TRIM67: variants seen among roughly 807,000 people sequenced by gnomAD.
TRIM67 encodes tripartite motif containing 67.
A neutral mutation model predicts 71.0 loss-of-function variants in TRIM67; 39 were observed. That is an observed-to-expected ratio of 0.55 (90% CI 0.43 to 0.72). The LOEUF (loss-of-function observed/expected upper bound fraction) is 0.72. Ranked by LOEUF, TRIM67 falls within the 30% of genes least tolerant of loss-of-function variation. The probability of loss-of-function intolerance (pLI) is 0.00; values close to 1 mark genes in which losing one functional copy is unlikely to be tolerated. For missense variants in TRIM67, 973 were observed against 1,079.2 expected (o/e 0.90, Z 1.38); for synonymous variants, 481 against 473.9 (o/e 1.01, Z -0.19).
chr1:231,211,658 G>A (rs1413328316), intron 8 of TRIM67, among the ~76,000 whole-genome samples: 1 of 152,206 alleles, frequency 6.6e-6, no homozygotes, highest in Non-Finnish European at 1.5e-5. Context: ...TTCCTGTCGT[G>A]AATCCTCGCT....
At chr1:231,208,037 T>G (rs2102759287) in intron 7 of TRIM67, among the ~76,000 whole-genome samples, 1 of 147,126 alleles carries the variant, frequency 6.8e-6, no homozygotes, top group African/African-American at 2.5e-5. Context: ...TGAGATGAAG[T>G]CCCACTCTGT....
intron 4 of TRIM67, among the ~76,000 whole-genome samples, chr1:231,200,517 C>T (rs1288402472): frequency 6.6e-6 from 1 of 152,186 alleles, no homozygotes; most frequent in African/African-American, 2.4e-5. Context: ...AACATTTTCC[C>T]CAAAAGGACA....
In TRIM67 at chr1:231,216,098, A is replaced by G. The variant is rs760975338; in HGVS notation, c.*658A>G. ...AATGGCTTCCTTTATTAATCAGCCA[A>G]TTGTGTTCTCTCTCTCTCTTCCTCC... On this transcript the variant is annotated 3_prime_UTR_variant, in exon 10 of 10. Coordinates refer to ENST00000366653, the MANE Select transcript of TRIM67 (RefSeq NM_001004342.5). 3.0e-6 allele frequency: 3 copies of G among 985,074 alleles called. No individual in the cohort carries two copies. The highest frequency in any genetic ancestry group is 2.4e-6 in the Non-Finnish European group (2 of 829,852). 61.0% of individuals were successfully genotyped at this position (985,074 alleles called of 1,614,324 possible).
In TRIM67 at chr1:231,163,159, G is replaced by A. The variant is rs1001881390; in HGVS notation, c.190G>A (p.Ala64Thr). The change falls in exon 1 of 10, where the codon GCT becomes ACT. Residue 64 changes from alanine to threonine, a missense_variant. By Grantham distance (58) the Ala-to-Thr change is moderately conservative. This residue lies in a region of TRIM67 where 795 missense variants were observed against 831.3 expected (regional missense o/e 0.96). Transcript: ENST00000366653. ...GSGLQAGAAA[A>T]ASLEHDAAAG... ...GGGGCTGCAGGCGGGCGCCGCCGCC[G>A]CTGCCTCTCTGGAGCACGACGCTGC... 2.7e-6 allele frequency: 4 copies of A among 1,508,204 alleles called. No homozygotes were observed. Among genetic ancestry groups the A allele is most frequent in the East Asian group, 2.7e-5 (1 of 36,992 alleles). The allele number at this position is 1,508,204 out of a possible 1,614,324, so 93.4% of individuals were successfully genotyped here. A position where few individuals can be genotyped will look rare whatever the true frequency, so the allele number is the denominator to read the frequency against.
chr1:231,200,083 C>A, intron 3 of TRIM67, 65 bp from the exon 4 acceptor site: 1 of 1,278,306 alleles, frequency 7.8e-7, no homozygotes, highest in Non-Finnish European at 1.1e-6. Flanking sequence ...TTCTCTGACT[C>A]TTGCGGTGGC....
rs780030751 is a variant in TRIM67, at chr1:231,204,018, G to A, written c.1680+6G>A. The A allele has an allele frequency of 9.3e-6, 15 of 1,613,656 alleles. No individual in the cohort carries two copies. Among genetic ancestry groups the A allele is most frequent in the Non-Finnish European group, 1.2e-5 (14 of 1,179,810 alleles). On this transcript the variant is annotated splice_donor_region_variant and intron_variant, in intron 6 of 9. Transcript: ENST00000366653. ...GTGCCGGGGGACAGTTCCGGGTGAG[G>A]CCTTGCTGCTTATTTGGCGGGGATT...
Position 231,219,630 on chromosome 1 carries a change from T to C in TRIM67, c.*4190T>C. 8.7e-7 allele frequency: 1 copy of C among 1,148,708 alleles called. No homozygotes were observed. The highest frequency in any genetic ancestry group is 1.8e-5 in the South Asian group (1 of 54,124). 71.2% of individuals were successfully genotyped at this position (1,148,708 alleles called of 1,614,324 possible). ...TTCCTAGAAAGCAAAACTCGTTACC[T>C]TTGTTTTCCTTGGCCACATTTTACT... On this transcript the variant is annotated 3_prime_UTR_variant, in exon 10 of 10. Transcript: ENST00000366653.
At chr1:231,188,080 C>G (rs890684796) in intron 1 of TRIM67, among the ~76,000 whole-genome samples, 2 of 152,180 alleles carry the variant, frequency 1.3e-5, no homozygotes, top group Non-Finnish European at 2.9e-5. Context: ...TGATCTATGA[C>G]TGTGTCCACA....
At chr1:231,203,722 TG>T in intron 5 of TRIM67, 144 bp from the exon 6 acceptor site, 2 of 1,053,644 alleles carry the variant, frequency 1.9e-6, no homozygotes, top group Non-Finnish European at 1.3e-6. Context: ...CCTGGGCGTC[TG>T]GGAGTGACTA....
chr1:231,181,712 CTTGA>C (rs1682911569), intron 1 of TRIM67, among the ~76,000 whole-genome samples: 1 of 151,850 alleles, frequency 6.6e-6, no homozygotes, highest in Non-Finnish European at 1.5e-5. Flanking sequence ...GCTTTTTTTG[CTTGA>C]CTCCCTGAGC....
intron 1 of TRIM67, among the ~76,000 whole-genome samples, chr1:231,190,232 G>A (rs1218626253): frequency 6.6e-6 from 1 of 152,182 alleles, no homozygotes; most frequent in African/African-American, 2.4e-5. Context: ...GATCTAGTCT[G>A]TGTTGACAGA....
chr1:231,191,971 C>T (rs1023180644), intron 1 of TRIM67, among the ~76,000 whole-genome samples: 1 of 151,742 alleles, frequency 6.6e-6, no homozygotes, highest in African/African-American at 2.4e-5. Context: ...TGCAGTGGGG[C>T]AGCAGGGCAG....
At chr1:231,204,036 C>A in intron 6 of TRIM67, 24 bp downstream of exon 6, 1 of 1,612,758 alleles carries the variant, frequency 6.2e-7, no homozygotes, top group Non-Finnish European at 8.5e-7. Context: ...GCTTATTTGG[C>A]GGGGATTGAG....
rs149060692 is a variant in TRIM67, at chr1:231,172,263, C to G, written c.1044+8250C>G. 8.6e-3 allele frequency among the ~76,000 whole-genome samples: 1,314 copies of G among 152,250 alleles called. 11 individuals are homozygous for G. The highest frequency in any genetic ancestry group is 0.012 in the Non-Finnish European group (803 of 68,034). On this transcript the variant is annotated intron_variant, in intron 1 of 9. Transcript: ENST00000366653. ...ATAGAAGAAATAAAGCATTAGCTGA[C>G]AGCTATTTTTAAAAGTGGGGGGAAC...
intron 1 of TRIM67, among the ~76,000 whole-genome samples, chr1:231,181,755 A>G (rs938211223): frequency 1.3e-5 from 2 of 152,138 alleles, no homozygotes; most frequent in African/African-American, 4.8e-5. Flanking sequence ...CCCACCATAC[A>G]TTCAACTCCT....
In TRIM67 at chr1:231,203,919, C is replaced by T. The variant is rs376273835; in HGVS notation, c.1587C>T (p.Ser529=). ...QLEKCCTRNN[S]VTLAWRMPPF... is the part of the protein sequence containing the mutation. The stretch of plus-strand genomic sequence containing the variant: ...AGAAATGCTGCACCCGTAACAACAG[C>T]GTCACGCTGGCCTGGAGGATGCCAC... The change falls in exon 6 of 10, where the codon AGC becomes AGT. Residue 529 remains serine, a synonymous_variant. Transcript: ENST00000366653. 194 of 1,613,954 alleles carry T rather than the reference C, an allele frequency of 1.2e-4. No homozygotes were observed. In the African/African-American group the frequency reaches 2.0e-3, roughly 17 times the overall value.
In TRIM67 at chr1:231,162,629, C is replaced by G. The variant is rs1682318500; in HGVS notation, c.-341C>G. The G allele has an allele frequency of 3.7e-6, 1 of 273,698 alleles. No homozygotes were observed. The highest frequency in any genetic ancestry group is 6.9e-6 in the Non-Finnish European group (1 of 145,854). 17.0% of individuals were successfully genotyped at this position (273,698 alleles called of 1,614,324 possible). A position where few individuals can be genotyped will look rare whatever the true frequency, so the allele number is the denominator to read the frequency against. ...GTGGAGAGGAGGCGCGCGCTGCAGCCGGCGGCGGCGCTGGTGCTGATTCAT... is the reference window on the plus strand; with the variant it reads ...GTGGAGAGGAGGCGCGCGCTGCAGCGGGCGGCGGCGCTGGTGCTGATTCAT... On this transcript the variant is annotated 5_prime_UTR_variant, in exon 1 of 10. Coordinates refer to ENST00000366653, the MANE Select transcript of TRIM67 (RefSeq NM_001004342.5).
At position 231,201,417 on chromosome 1, in the gene TRIM67, C is replaced by A. The variant is rs1188776173; in HGVS notation, c.1434C>A (p.Ala478=). ...CTCAGGAGCAGTGGGTCAAAGGCGC[C>A]CTGGAGCCGAAAGTGTCTGCGGAGT... The part of the protein sequence containing the change: ...QVSQEQWVKG[A]LEPKVSAEFD... The change falls in exon 5 of 10, where the codon GCC becomes GCA. Residue 478 remains alanine (A), a synonymous_variant. Coordinates refer to ENST00000366653, the MANE Select transcript of TRIM67 (RefSeq NM_001004342.5). 1 of 1,613,566 alleles carries A rather than the reference C, an allele frequency of 6.2e-7. No individual in the cohort carries two copies. The highest frequency in any genetic ancestry group is 8.5e-7 in the Non-Finnish European group (1 of 1,179,730).
At chr1:231,184,133 T>C (rs1239916967) in intron 1 of TRIM67, 1 of 152,196 alleles carries the variant, frequency 6.6e-6, no homozygotes, top group Non-Finnish European at 1.5e-5. Flanking sequence ...AACCAGCAGT[T>C]TGCCAACTGG....
Sources: allele counts gnomAD v4.1 joint callset (sites outside exome capture counted in the v4.1 genomes callset), GRCh38; gene constraint gnomAD v4.1.1; regional missense constraint gnomAD v4.1.1; transcripts MANE v1.5; gene names NCBI Gene and HGNC (gene_info 2026-07-23, HGNC 2026-07-21).